PDE1A: variants seen among roughly 807,000 people sequenced by gnomAD.
PDE1A encodes dual specificity calcium/calmodulin-dependent 3',5'-cyclic nucleotide phosphodiesterase 1A.
In PDE1A, 35 loss-of-function variants were observed where a neutral mutation model predicts 61.7. The ratio of observed to expected loss-of-function variants is 0.57; its 90% CI spans 0.43 to 0.75. The LOEUF is 0.75. PDE1A is among the 30% of genes least tolerant of loss of function. The pLI is 0.00. For synonymous variants in PDE1A, 232 were observed against 213.2 expected (o/e 1.09, Z -0.77); for missense variants, 597 against 630.6 (o/e 0.95, Z 0.57).
chr2:182,668,070 G>A, the PDE1A span, among the ~76,000 whole-genome samples: 1 of 152,170 alleles, frequency 6.6e-6, no homozygotes, highest in Non-Finnish European at 1.5e-5. Context: ...GGGTGGAGAA[G>A]GAATCCAAAA....
chr2:182,519,451 A>C (rs536404431), intron 2 of PDE1A, among the ~76,000 whole-genome samples: 46 of 152,134 alleles, frequency 3.0e-4, no homozygotes, highest in African/African-American at 1.1e-3. Flanking sequence ...ATATAAGAAG[A>C]AAATTAATAG....
At chr2:182,414,777 A>G (rs1174492274) in intron 1 of PDE1A, among the ~76,000 whole-genome samples, 1 of 152,128 alleles carries the variant, frequency 6.6e-6, no homozygotes, top group Non-Finnish European at 1.5e-5. Flanking sequence ...TAGTAGAGAG[A>G]GTGGGAAATG....
intron 1 of PDE1A, among the ~76,000 whole-genome samples, chr2:182,297,474 T>C (rs1284078638): frequency 6.6e-6 from 1 of 152,220 alleles, no homozygotes; most frequent in Non-Finnish European, 1.5e-5. Context: ...AAAGCCACTT[T>C]TAAGTAAGTG....
chr2:182,202,960 C>T (rs187966072), intron 8 of PDE1A, among the ~76,000 whole-genome samples: 4 of 152,242 alleles, frequency 2.6e-5, no homozygotes, highest in Non-Finnish European at 4.4e-5. Context: ...ACTTGAATTA[C>T]GATCTTGCAC....
chr2:182,713,322 A>G, the PDE1A span, among the ~76,000 whole-genome samples: 1 of 152,190 alleles, frequency 6.6e-6, no homozygotes, highest in Non-Finnish European at 1.5e-5. Context: ...TGCTCACCAC[A>G]GTAACCCTAA....
At chr2:182,161,031 A>G (rs1288929270) in intron 13 of PDE1A, among the ~76,000 whole-genome samples, 1 of 152,220 alleles carries the variant, frequency 6.6e-6, no homozygotes, top group Non-Finnish European at 1.5e-5. Flanking sequence ...TTCAGTGACT[A>G]TATGCATACC....
chr2:182,169,974 AC>A (rs1692038700), intron 13 of PDE1A, among the ~76,000 whole-genome samples: 1 of 150,984 alleles, frequency 6.6e-6, no homozygotes, highest in African/African-American at 2.4e-5. Flanking sequence ...ATACACACAC[AC>A]ACACACACAC....
intron 1 of PDE1A, among the ~76,000 whole-genome samples, chr2:182,324,185 A>T (rs990660894): frequency 6.6e-6 from 1 of 152,104 alleles, no homozygotes; most frequent in African/African-American, 2.4e-5. Context: ...GAAAAGAAGT[A>T]TTATTTCAGT....
intron 13 of PDE1A, among the ~76,000 whole-genome samples, chr2:182,147,783 C>G (rs1325654279): frequency 6.6e-6 from 1 of 152,080 alleles, no homozygotes; most frequent in African/African-American, 2.4e-5. Flanking sequence ...ACAAAATAAA[C>G]AGAAATTAAT....
chr2:182,298,507 A>G (rs191166113), intron 1 of PDE1A, among the ~76,000 whole-genome samples: 109 of 152,250 alleles, frequency 7.2e-4, no homozygotes, highest in African/African-American at 2.5e-3. Context: ...ATGCGGGTGG[A>G]TGCATTTGGT....
chr2:182,679,350 A>ATTTTTTTTTTTTT, the PDE1A span, among the ~76,000 whole-genome samples: 34 of 119,438 alleles, frequency 2.8e-4, no homozygotes, highest in African/African-American at 6.9e-4. Context: ...TGCTCAGCTA[A>ATTTTTTTTTTTTT]TTTTTTTTTT....
chr2:182,530,622 T>A, the PDE1A span, among the ~76,000 whole-genome samples: 1 of 152,314 alleles, frequency 6.6e-6, no homozygotes, highest in East Asian at 1.9e-4. Flanking sequence ...GTGGCACAGC[T>A]TTTTTCAAGT....
At chr2:182,541,167 C>A in the PDE1A span, among the ~76,000 whole-genome samples, 3 of 152,264 alleles carry the variant, frequency 2.0e-5, no homozygotes, top group East Asian at 5.8e-4. Context: ...TCACTACTAA[C>A]CTCACATGAT....
At chr2:182,478,642 G>C (rs944841675) in intron 2 of PDE1A, among the ~76,000 whole-genome samples, 1 of 151,852 alleles carries the variant, frequency 6.6e-6, no homozygotes, top group African/African-American at 2.4e-5. Flanking sequence ...CATAGTACCT[G>C]GACTGATCAT....
chr2:182,416,940 C>CTCG (rs1226996298), intron 1 of PDE1A, among the ~76,000 whole-genome samples: 1 of 152,102 alleles, frequency 6.6e-6, no homozygotes, highest in Non-Finnish European at 1.5e-5. Flanking sequence ...GAATGGTGAC[C>CTCG]TACGACCAAA....
At chr2:182,431,467 G>A (rs1703948168), upstream of PDE1A, among the ~76,000 whole-genome samples, 1 of 152,128 alleles carries the variant, frequency 6.6e-6, no homozygotes, top group Admixed American at 6.6e-5. Flanking sequence ...AAATGGCAGG[G>A]TGTAAATTCT....
chr2:182,354,794 A>G (rs1699082169), intron 1 of PDE1A, among the ~76,000 whole-genome samples: 1 of 152,136 alleles, frequency 6.6e-6, no homozygotes, highest in Non-Finnish European at 1.5e-5. Context: ...TACTTTAAAG[A>G]CCATTTTTAA....
chr2:182,668,118 T>C, the PDE1A span, among the ~76,000 whole-genome samples: 1 of 152,160 alleles, frequency 6.6e-6, no homozygotes, highest in Non-Finnish European at 1.5e-5. Context: ...CAGTATAGCA[T>C]GGCTGAGAGG....
chr2:182,652,353 G>T, the PDE1A span, among the ~76,000 whole-genome samples: 1 of 152,022 alleles, frequency 6.6e-6, no homozygotes, highest in Non-Finnish European at 1.5e-5. Context: ...GATTCCTTCT[G>T]CAGTCTAGAA....
Sources: allele counts gnomAD v4.1 joint callset (sites outside exome capture counted in the v4.1 genomes callset), GRCh38; gene constraint gnomAD v4.1.1; transcripts MANE v1.5; gene names NCBI Gene and HGNC (gene_info 2026-07-23, HGNC 2026-07-21).